Variants in COL21A1 observed in about 807,000 individuals in gnomAD.
COL21A1 encodes collagen type XXI alpha 1 chain, also known as collagen alpha-1(XXI) chain.
In COL21A1, 149 loss-of-function variants were observed where a neutral mutation model predicts 137.9. That is an observed-to-expected ratio of 1.08 (90% CI 0.95 to 1.24). The LOEUF (loss-of-function observed/expected upper bound fraction) is 1.24. Ranked by LOEUF, COL21A1 falls within the 50% of genes most tolerant of loss-of-function variation. COL21A1 has a pLI of 0.00. For missense variants in COL21A1, 1,167 were observed against 1,158.4 expected (o/e 1.01, Z -0.11); for synonymous variants, 456 against 391.5 (o/e 1.16, Z -1.95).
At chr6:56,124,949 G>A (rs971210848) in intron 14 of COL21A1, among the ~76,000 whole-genome samples, 2 of 137,244 alleles carry the variant, frequency 1.5e-5, no homozygotes, top group Non-Finnish European at 3.2e-5. Flanking sequence ...CCGGCCTTCA[G>A]TGGACACGGT....
At chr6:56,169,299 G>T (rs552097819) in intron 5 of COL21A1, among the ~76,000 whole-genome samples, 2 of 151,992 alleles carry the variant, frequency 1.3e-5, no homozygotes, top group Middle Eastern at 3.4e-3. Context: ...TCTGTTAGGG[G>T]AGATGTTCCA....
intron 1 of COL21A1, among the ~76,000 whole-genome samples, chr6:56,287,388 T>G (rs1367090555): frequency 4.6e-5 from 7 of 152,178 alleles, no homozygotes; most frequent in Admixed American, 4.6e-4. Context: ...CATGTTGAAT[T>G]GTAATCCTTA....
chr6:56,077,541 T>C lies in COL21A1; in HGVS notation c.1845A>G (p.Leu615=). Reference sequence around the variant, plus strand: ...CATGAATACTTACCTTTTGGCCCATTAATCCTCGGTTTCCAGGAAATCCTG... The same window carrying C: ...CATGAATACTTACCTTTTGGCCCATCAATCCTCGGTTTCCAGGAAATCCTG... The part of the protein sequence containing the change: ...GIPGFPGNRG[L]MGQKGEIGPP... Residue 615 remains leucine, a synonymous_variant, in exon 18 of 30, where the codon TTA becomes TTG. Coordinates refer to ENST00000244728, the MANE Select transcript of COL21A1 (RefSeq NM_030820.4). 6.3e-7 allele frequency: 1 copy of C among 1,578,312 alleles called. No homozygotes were observed. The highest frequency in any genetic ancestry group is 1.2e-5 in the South Asian group (1 of 84,920).
At chr6:56,349,789 T>C (rs1273426148) in intron 1 of COL21A1, among the ~76,000 whole-genome samples, 1 of 152,236 alleles carries the variant, frequency 6.6e-6, no homozygotes, top group Non-Finnish European at 1.5e-5. Context: ...AAGACCATTT[T>C]GTTGTCAAAA....
intron 17 of COL21A1, among the ~76,000 whole-genome samples, chr6:56,079,299 C>T (rs1312784376): frequency 6.6e-6 from 1 of 151,708 alleles, no homozygotes; most frequent in Non-Finnish European, 1.5e-5. Context: ...GAGTCCCTAA[C>T]GGGCACATGT....
intron 17 of COL21A1, among the ~76,000 whole-genome samples, chr6:56,097,438 A>G (rs1387443356): frequency 6.6e-6 from 1 of 151,946 alleles, no homozygotes; most frequent in Non-Finnish European, 1.5e-5. Context: ...TATCTCCCCA[A>G]CTAGGCTGTA....
At chr6:56,182,749 T>G in intron 1 of COL21A1, 93 bp from the exon 2 acceptor site, 1 of 619,500 alleles carries the variant, frequency 1.6e-6, no homozygotes, top group East Asian at 2.8e-5. Context: ...CCAATTGAAG[T>G]ACAGCTAATT....
intron 13 of COL21A1, 34 bp from the exon 14 acceptor site, chr6:56,125,654 G>T: frequency 2.3e-6 from 3 of 1,320,960 alleles, no homozygotes; most frequent in Non-Finnish European, 3.1e-6. Flanking sequence ...GAATATTTAA[G>T]AAATATGAAT....
intron 21 of COL21A1, 116 bp downstream of exon 21, chr6:56,070,629 G>A: frequency 1.6e-6 from 1 of 633,024 alleles, no homozygotes; most frequent in Non-Finnish European, 2.6e-6. Flanking sequence ...TCATGATAAA[G>A]GTAATCCTTA....
chr6:56,333,600 T>G (rs890357581), intron 1 of COL21A1, among the ~76,000 whole-genome samples: 1 of 152,160 alleles, frequency 6.6e-6, no homozygotes, highest in Admixed American at 6.6e-5. Context: ...CATTCACGTG[T>G]TAAGTCTTTG....
chr6:56,287,363 T>C (rs1763940009), intron 1 of COL21A1, among the ~76,000 whole-genome samples: 1 of 152,156 alleles, frequency 6.6e-6, no homozygotes, highest in Non-Finnish European at 1.5e-5. Flanking sequence ...TGGCTCTGTG[T>C]CCCCAACCAA....
intron 16 of COL21A1, among the ~76,000 whole-genome samples, chr6:56,113,102 T>C (rs1771595957): frequency 6.6e-6 from 1 of 152,142 alleles, no homozygotes; most frequent in South Asian, 2.1e-4. Flanking sequence ...CCAAGTAAAC[T>C]TGAAAGGGAG....
rs79011209 is a variant in COL21A1 at position 56,094,813 on chromosome 6, G to A, written c.1812+6659C>T. 8.7e-4 allele frequency among the ~76,000 whole-genome samples: 132 copies of A among 152,260 alleles called. 3 individuals carry two copies. The East Asian group carries it at 0.024, about 28-fold the overall frequency. On this transcript the variant is annotated intron_variant, in intron 17 of 29. Coordinates refer to ENST00000244728, the MANE Select transcript of COL21A1 (RefSeq NM_030820.4). ...TGGAAACTCTCACACAGGAGCTGACGCTGTAATCCATGGAGAGAATTTCTT... is the reference window on the plus strand; with the variant it reads ...TGGAAACTCTCACACAGGAGCTGACACTGTAATCCATGGAGAGAATTTCTT...
At chr6:56,172,152 G>A (rs1182539402) in intron 3 of COL21A1, among the ~76,000 whole-genome samples, 1 of 151,164 alleles carries the variant, frequency 6.6e-6, no homozygotes, top group Non-Finnish European at 1.5e-5. Flanking sequence ...ATCTGGGAAA[G>A]GATATGGATA....
At chr6:56,277,596 A>C (rs1253683075) in intron 1 of COL21A1, among the ~76,000 whole-genome samples, 1 of 152,346 alleles carries the variant, frequency 6.6e-6, no homozygotes. Context: ...TGGCACCATA[A>C]TTTATAAAAA....
chr6:56,334,259 C>T (rs1431056660), intron 1 of COL21A1, among the ~76,000 whole-genome samples: 2 of 152,052 alleles, frequency 1.3e-5, no homozygotes, highest in African/African-American at 4.8e-5. Flanking sequence ...GTAGCACCAG[C>T]ATGAACTGGG....
At chr6:56,062,319 T>C (rs1043698865) in intron 24 of COL21A1, among the ~76,000 whole-genome samples, 24 of 152,136 alleles carry the variant, frequency 1.6e-4, no homozygotes. Flanking sequence ...CTATAATTAC[T>C]AGCTACATCT....
At position 56,141,993 on chromosome 6, in the gene COL21A1, A is replaced by T; in HGVS notation, c.1435-10T>A. Reference sequence around the variant, plus strand: ...CAATTCCCTGATATCCCTAAAGAAAAATTTAAAAAGAAAAAAAATAATATT... The same window carrying T: ...CAATTCCCTGATATCCCTAAAGAAATATTTAAAAAGAAAAAAAATAATATT... On this transcript the variant is annotated splice_polypyrimidine_tract_variant and intron_variant, in intron 10 of 29. Transcript: ENST00000244728. The T allele has an allele frequency of 6.6e-7, 1 of 1,505,080 alleles. No homozygotes were observed. Among genetic ancestry groups the T allele is most frequent in the African/African-American group, 1.4e-5 (1 of 71,414 alleles). 93.2% of individuals were successfully genotyped at this position (1,505,080 alleles called of 1,614,324 possible).
chr6:56,308,077 C>T (rs1764513338), intron 1 of COL21A1, among the ~76,000 whole-genome samples: 1 of 152,186 alleles, frequency 6.6e-6, no homozygotes, highest in Non-Finnish European at 1.5e-5. Flanking sequence ...CACTCAAGTG[C>T]TGAAACTAAA....
Sources: allele counts gnomAD v4.1 joint callset (sites outside exome capture counted in the v4.1 genomes callset), GRCh38; gene constraint gnomAD v4.1.1; transcripts MANE v1.5; gene names NCBI Gene and HGNC (gene_info 2026-07-23, HGNC 2026-07-21).